ELMO1: variants seen among roughly 807,000 people sequenced by gnomAD.
ELMO1 encodes engulfment and cell motility 1, also known as engulfment and cell motility protein 1.
A neutral mutation model predicts 98.9 loss-of-function variants in ELMO1; 26 were observed. That is an observed-to-expected ratio of 0.26 (90% CI 0.19 to 0.36). ELMO1 has a LOEUF of 0.36. Among genes scored for constraint, ELMO1 ranks in the 10% least tolerant of loss-of-function variants. The pLI, the probability that ELMO1 is intolerant of heterozygous loss-of-function variation, is 1.00. For synonymous variants in ELMO1, 346 were observed against 346.0 expected, an observed-to-expected ratio of 1.00 and a Z score of 0.00; for missense variants, 627 against 935.2, an observed-to-expected ratio of 0.67 and a Z score of 4.30.
chr7:37,430,258 G>GAGA (rs1562687429), intron 1 of ELMO1, among the ~76,000 whole-genome samples: 1 of 152,130 alleles, frequency 6.6e-6, no homozygotes, highest in Non-Finnish European at 1.5e-5. Flanking sequence ...CCCCACCTGG[G>GAGA]TTTCTGCCTG....
chr7:37,337,590 A>G (rs939189714), intron 2 of ELMO1, among the ~76,000 whole-genome samples: 3 of 152,150 alleles, frequency 2.0e-5, no homozygotes, highest in Non-Finnish European at 4.4e-5. Flanking sequence ...AGCACTGGAA[A>G]CAAATTGGGA....
At chr7:37,175,697 A>G (rs1246852250) in intron 13 of ELMO1, among the ~76,000 whole-genome samples, 2 of 152,268 alleles carry the variant, frequency 1.3e-5, no homozygotes, top group East Asian at 3.9e-4. Context: ...CATACAAAAA[A>G]TTAGCTGGGC....
intron 4 of ELMO1, among the ~76,000 whole-genome samples, chr7:37,276,593 G>A (rs1010937742): frequency 2.0e-5 from 3 of 152,136 alleles, no homozygotes; most frequent in African/African-American, 4.8e-5. Flanking sequence ...CCTGGGTGAC[G>A]GAGCGAGACT....
chr7:37,255,161 TG>T (rs1281207469), intron 6 of ELMO1, among the ~76,000 whole-genome samples: 1 of 152,220 alleles, frequency 6.6e-6, no homozygotes, highest in Non-Finnish European at 1.5e-5. Context: ...TACCTCAGAA[TG>T]GGACAGTATT....
rs571111189 is a variant in ELMO1, at chr7:37,010,220, G to A, written c.1437+3079C>T. Among the ~76,000 whole-genome samples the A allele has an allele frequency of 2.2e-4, 30 of 138,084 alleles. No homozygotes were observed. The South Asian group carries it at 5.9e-3, about 27-fold the overall frequency. 90.6% of individuals were successfully genotyped at this position (138,084 alleles called of 152,430 possible). A position where few individuals can be genotyped will look rare whatever the true frequency, so the allele number is the denominator to read the frequency against. On this transcript the variant is annotated intron_variant, in intron 16 of 21. Coordinates refer to ENST00000310758, the MANE Select transcript of ELMO1 (RefSeq NM_014800.11). ...AAGCAAACAAAAGGCTCCTCTGTCC[G>A]TGTTTCATTAATTTAAACTGATCTA...
intron 15 of ELMO1, among the ~76,000 whole-genome samples, chr7:37,032,081 C>A (rs546549458): frequency 6.6e-6 from 1 of 152,214 alleles, no homozygotes; most frequent in South Asian, 2.1e-4. Flanking sequence ...TCCAGGCCTG[C>A]GTGAGTCATT....
intron 19 of ELMO1, among the ~76,000 whole-genome samples, chr7:36,874,710 G>A (rs1803799794): frequency 1.3e-5 from 2 of 152,192 alleles, no homozygotes; most frequent in African/African-American, 4.8e-5. Context: ...AGGAATGCTG[G>A]CCTAGATTCT....
chr7:37,376,816 G>A (rs752863989), intron 1 of ELMO1, among the ~76,000 whole-genome samples: 6 of 152,160 alleles, frequency 3.9e-5, no homozygotes, highest in East Asian at 3.9e-4. Context: ...CCGTCTCAGC[G>A]TTTTGGCTTT....
chr7:37,253,078 C>A (rs908026560), intron 6 of ELMO1, among the ~76,000 whole-genome samples: 2 of 152,198 alleles, frequency 1.3e-5, no homozygotes, highest in Non-Finnish European at 2.9e-5. Context: ...CAAGAAACAA[C>A]AGATGCTGAA....
At chr7:37,231,453 A>G (rs1328202804) in intron 8 of ELMO1, among the ~76,000 whole-genome samples, 1 of 152,212 alleles carries the variant, frequency 6.6e-6, no homozygotes, top group African/African-American at 2.4e-5. Flanking sequence ...GAAAGGATGC[A>G]CTGAGGATGT....
At chr7:37,106,372 C>T (rs1415013540) in intron 14 of ELMO1, among the ~76,000 whole-genome samples, 2 of 152,092 alleles carry the variant, frequency 1.3e-5, no homozygotes, top group African/African-American at 4.8e-5. Flanking sequence ...TGAAAGGAGG[C>T]TCTCACTTGC....
chr7:37,091,656 T>C (rs1784100719), intron 15 of ELMO1, among the ~76,000 whole-genome samples: 1 of 152,048 alleles, frequency 6.6e-6, no homozygotes, highest in South Asian at 2.1e-4. Context: ...TTTGAAGACT[T>C]GCTCCTTTCT....
intron 4 of ELMO1, among the ~76,000 whole-genome samples, chr7:37,304,747 C>T (rs1382729218): frequency 6.6e-6 from 1 of 152,028 alleles, no homozygotes; most frequent in Non-Finnish European, 1.5e-5. Context: ...AAGTAAAACA[C>T]TCTTGGTTCA....
At chr7:37,218,693 T>C (rs1034207847) in intron 10 of ELMO1, among the ~76,000 whole-genome samples, 2 of 152,228 alleles carry the variant, frequency 1.3e-5, no homozygotes, top group Non-Finnish European at 2.9e-5. Context: ...TTAGAAAAAC[T>C]ACAATGCATG....
chr7:37,261,426 C>A (rs1000442994), intron 5 of ELMO1, among the ~76,000 whole-genome samples: 1 of 152,156 alleles, frequency 6.6e-6, no homozygotes, highest in Admixed American at 6.5e-5. Context: ...CCAAGGGCCA[C>A]CCCTAGAGTT....
In ELMO1 at chr7:36,853,699, T is replaced by C. The variant is rs17170750; in HGVS notation, c.*1852A>G. Among the ~76,000 whole-genome samples, 1,769 of 152,338 alleles carry C rather than the reference T, an allele frequency of 0.012. 47 individuals are homozygous for C. Among genetic ancestry groups the C allele is most frequent in the Admixed American group, 0.054 (827 of 15,306 alleles). On this transcript the variant is annotated 3_prime_UTR_variant, in exon 22 of 22. Transcript: ENST00000310758. ...CAGGTCAATCTGTAATTGCACATCC[T>C]GATGACGGTAAAGAGAAATGACCTG... is the stretch of plus-strand genomic sequence containing the variant.
At chr7:37,166,073 G>GT (rs1260679685) in intron 13 of ELMO1, among the ~76,000 whole-genome samples, 1 of 152,184 alleles carries the variant, frequency 6.6e-6, no homozygotes, top group Non-Finnish European at 1.5e-5. Context: ...TTGGGAGAGT[G>GT]TATGTGTCGA....
chr7:37,285,044 C>T (rs1309248707), intron 4 of ELMO1, among the ~76,000 whole-genome samples: 11 of 152,200 alleles, frequency 7.2e-5, no homozygotes, highest in Admixed American at 5.2e-4. Flanking sequence ...GTTCTGCCTA[C>T]CCAAGCTTCT....
chr7:37,288,876 A>G (rs938276853), intron 4 of ELMO1, among the ~76,000 whole-genome samples: 11 of 152,194 alleles, frequency 7.2e-5, no homozygotes, highest in Non-Finnish European at 1.2e-4. Flanking sequence ...TTGAACCTAT[A>G]TTCTATGGCC....
Sources: allele counts gnomAD v4.1 joint callset (sites outside exome capture counted in the v4.1 genomes callset), GRCh38; gene constraint gnomAD v4.1.1; transcripts MANE v1.5; gene names NCBI Gene and HGNC (gene_info 2026-07-23, HGNC 2026-07-21).